Variants in GRIP1 observed in about 807,000 individuals in gnomAD.
The protein encoded by GRIP1 is glutamate receptor-interacting protein 1.
Under a neutral mutation model 129.9 loss-of-function variants are expected in GRIP1, and 45 were observed. That is an observed-to-expected ratio of 0.35 (90% CI 0.27 to 0.44). GRIP1 has a LOEUF of 0.44. Among genes scored for constraint, GRIP1 ranks in the 20% least tolerant of loss-of-function variants. The pLI, the probability that GRIP1 is intolerant of heterozygous loss-of-function variation, is 1.00. For missense variants in GRIP1, 1,196 were observed against 1,396.8 expected (o/e 0.86, Z 2.29); for synonymous variants, 530 against 520.8 (o/e 1.02, Z -0.24).
intron 1 of GRIP1, among the ~76,000 whole-genome samples, chr12:66,864,075 T>C (rs796995982): frequency 5.9e-5 from 9 of 152,070 alleles, no homozygotes; most frequent in African/African-American, 4.8e-5. Flanking sequence ...ATCTCCACCA[T>C]TGACAAAGAG....
chr12:66,710,160 A>G (rs185142299), intron 1 of GRIP1, among the ~76,000 whole-genome samples: 113 of 152,050 alleles, frequency 7.4e-4, no homozygotes, highest in African/African-American at 2.6e-3. Flanking sequence ...TAACCCACAC[A>G]TAAGAAGTGA....
intron 1 of GRIP1, among the ~76,000 whole-genome samples, chr12:66,746,666 G>A (rs997703849): frequency 6.6e-6 from 1 of 152,130 alleles, no homozygotes; most frequent in African/African-American, 2.4e-5. Flanking sequence ...TACCCACAGG[G>A]TAGCTACTTC....
chr12:66,955,996 T>C (rs967105377), intron 1 of GRIP1, among the ~76,000 whole-genome samples: 4 of 152,194 alleles, frequency 2.6e-5, no homozygotes, highest in African/African-American at 9.7e-5. Context: ...TTTACAAGAG[T>C]TAGTTGTGCA....
At chr12:66,701,926 C>A (rs1257329836) in intron 1 of GRIP1, among the ~76,000 whole-genome samples, 2 of 152,150 alleles carry the variant, frequency 1.3e-5, no homozygotes, top group East Asian at 3.9e-4. Context: ...AGAACTCTAA[C>A]TGTACAAGCA....
intron 1 of GRIP1, among the ~76,000 whole-genome samples, chr12:66,659,310 A>G (rs2033357057): frequency 6.6e-6 from 1 of 152,240 alleles, no homozygotes; most frequent in Non-Finnish European, 1.5e-5. Context: ...TGCCATTAGA[A>G]GTGAAGCTCC....
intron 1 of GRIP1, among the ~76,000 whole-genome samples, chr12:67,016,318 A>G (rs1389642936): frequency 6.6e-6 from 1 of 152,204 alleles, no homozygotes; most frequent in Non-Finnish European, 1.5e-5. Context: ...ACAGACAACC[A>G]AATACCAGGC....
At chr12:67,015,069 T>C (rs1412874062) in intron 1 of GRIP1, among the ~76,000 whole-genome samples, 1 of 152,180 alleles carries the variant, frequency 6.6e-6, no homozygotes, top group African/African-American at 2.4e-5. Context: ...AAAATAGCAC[T>C]TTCTAAGACA....
At chr12:66,955,962 T>G (rs1215670158) in intron 1 of GRIP1, among the ~76,000 whole-genome samples, 1 of 152,252 alleles carries the variant, frequency 6.6e-6, no homozygotes, top group African/African-American at 2.4e-5. Context: ...TTTTAAAACC[T>G]ATTTATTTTA....
chr12:66,658,242 T>A (rs2033283748), intron 1 of GRIP1, among the ~76,000 whole-genome samples: 1 of 152,190 alleles, frequency 6.6e-6, no homozygotes, highest in Non-Finnish European at 1.5e-5. Flanking sequence ...TACTATTAAT[T>A]AGCAAATTAC....
chr12:66,487,457 G>A (rs2138632565), intron 7 of GRIP1, among the ~76,000 whole-genome samples: 1 of 152,248 alleles, frequency 6.6e-6, no homozygotes, highest in African/African-American at 2.4e-5. Context: ...CCTCAAGCCT[G>A]CTTTGCAAGA....
At chr12:66,758,020 T>A in intron 1 of GRIP1, among the ~76,000 whole-genome samples, 1 of 152,178 alleles carries the variant, frequency 6.6e-6, no homozygotes, top group South Asian at 2.1e-4. Flanking sequence ...TATATTTTAC[T>A]ATAAAAATAA....
At chr12:66,438,516 T>G (rs2138039337) in intron 13 of GRIP1, among the ~76,000 whole-genome samples, 1 of 49,528 alleles carries the variant, frequency 2.0e-5, no homozygotes, top group East Asian at 4.3e-4. Context: ...GAGACGGAGT[T>G]TTTTTTTTTT....
intron 2 of GRIP1, among the ~76,000 whole-genome samples, chr12:66,576,326 G>T (rs2063138035): frequency 6.6e-6 from 1 of 152,246 alleles, no homozygotes; most frequent in Non-Finnish European, 1.5e-5. Context: ...TAAAAGGCAA[G>T]ATCTCTGCCG....
At chr12:66,810,025 G>T (rs900979470) in intron 1 of GRIP1, among the ~76,000 whole-genome samples, 2 of 152,060 alleles carry the variant, frequency 1.3e-5, no homozygotes, top group Non-Finnish European at 2.9e-5. Context: ...GGATCTGAGG[G>T]CATTGCTACA....
chr12:66,624,058 G>A (rs190814440), intron 1 of GRIP1, among the ~76,000 whole-genome samples: 65 of 152,130 alleles, frequency 4.3e-4, no homozygotes, highest in African/African-American at 9.2e-4. Flanking sequence ...AGGGTGCAAC[G>A]CACTGTGCTA....
At chr12:66,802,668 A>T (rs987662879) in intron 1 of GRIP1, among the ~76,000 whole-genome samples, 4 of 152,196 alleles carry the variant, frequency 2.6e-5, no homozygotes, top group African/African-American at 9.6e-5. Flanking sequence ...AATCTGACTC[A>T]GTATATATTG....
chr12:66,513,855 A>G (rs12099510), intron 7 of GRIP1, among the ~76,000 whole-genome samples: 71,408 of 151,942 alleles, frequency 0.47, 16,973 homozygotes, highest in African/African-American at 0.55. Context: ...CCCTGGCAAT[A>G]GTGAAACTTG....
chr12:66,376,036 C>T (rs2137338031), intron 22 of GRIP1, among the ~76,000 whole-genome samples: 1 of 152,302 alleles, frequency 6.6e-6, no homozygotes, highest in Non-Finnish European at 1.5e-5. Context: ...GCATTCTGCT[C>T]TTTTTGAAAG....
intron 1 of GRIP1, among the ~76,000 whole-genome samples, chr12:66,818,598 T>C (rs2039266029): frequency 6.6e-6 from 1 of 152,220 alleles, no homozygotes; most frequent in Admixed American, 6.5e-5. Context: ...AGTACTTTGG[T>C]ATGCAACAGA....
Sources: allele counts gnomAD v4.1 joint callset (sites outside exome capture counted in the v4.1 genomes callset), GRCh38; gene constraint gnomAD v4.1.1; transcripts MANE v1.5; gene names NCBI Gene and HGNC (gene_info 2026-07-23, HGNC 2026-07-21).